The following LSM14A variants were observed in gnomAD, a reference collection of about 807,000 sequenced individuals.
LSM14A encodes LSM14A mRNA processing body assembly factor, also known as protein LSM14 homolog A.
In LSM14A, 14 loss-of-function variants were observed where a neutral mutation model predicts 52.4. The observed-to-expected ratio is 0.27, with a 90% CI of 0.18 to 0.42. The LOEUF (loss-of-function observed/expected upper bound fraction) is 0.42. Ranked by LOEUF, LSM14A falls within the 10% of genes least tolerant of loss-of-function variation. LSM14A has a pLI of 1.00. For synonymous variants in LSM14A, 185 were observed against 200.3 expected (o/e 0.92, Z 0.64); for missense variants, 417 against 581.8 (o/e 0.72, Z 2.91).
rs537453667 is a variant in LSM14A, at chr19:34,228,432, A to G, written c.*1044A>G. 13 of 152,580 alleles carry G rather than the reference A, an allele frequency of 8.5e-5. No homozygotes were observed. Among genetic ancestry groups the G allele is most frequent in the Non-Finnish European group, 1.6e-4 (11 of 68,024 alleles). The allele number at this position is 152,580 out of a possible 1,614,324, so 9.5% of individuals were successfully genotyped here. A position where few individuals can be genotyped will look rare whatever the true frequency, so the allele number is the denominator to read the frequency against. ...TTGTAGGACTTTAAAACTAGGCATC[A>G]ATGAACCTGTTTTTCCTATTATGCC... is the stretch of plus-strand genomic sequence containing the variant. On this transcript the variant is annotated 3_prime_UTR_variant, in exon 10 of 10. Transcript: ENST00000544216.
chr19:34,199,981 T>A (rs1174608930), intron 3 of LSM14A, among the ~76,000 whole-genome samples: 1 of 152,166 alleles, frequency 6.6e-6, no homozygotes, highest in Non-Finnish European at 1.5e-5. Flanking sequence ...AACACAGACA[T>A]CTGGTGGTTA....
chr19:34,201,553 G>A (rs2071290833), intron 3 of LSM14A, among the ~76,000 whole-genome samples: 1 of 152,156 alleles, frequency 6.6e-6, no homozygotes, highest in South Asian at 2.1e-4. Context: ...ATGTTGGTCA[G>A]GCTGGTCTCA....
chr19:34,194,362 T>C (rs1183689785), intron 1 of LSM14A, 116 bp from the exon 2 acceptor site: 1 of 987,868 alleles, frequency 1.0e-6, no homozygotes, highest in Non-Finnish European at 1.5e-6. Context: ...TAATGAATAC[T>C]TTCTCAGACA....
chr19:34,180,351 A>G (rs994864137), intron 1 of LSM14A, among the ~76,000 whole-genome samples: 1 of 152,200 alleles, frequency 6.6e-6, no homozygotes, highest in African/African-American at 2.4e-5. Flanking sequence ...CCAAAATGCC[A>G]GTTGGAATAC....
At chr19:34,209,909 C>T (rs1332087345) in intron 4 of LSM14A, among the ~76,000 whole-genome samples, 1 of 150,768 alleles carries the variant, frequency 6.6e-6, no homozygotes, top group East Asian at 2.0e-4. Flanking sequence ...TGGCTATTTA[C>T]AGATGTGATC....
intron 1 of LSM14A, among the ~76,000 whole-genome samples, chr19:34,180,727 C>T (rs2145505775): frequency 6.6e-6 from 1 of 152,286 alleles, no homozygotes; most frequent in East Asian, 1.9e-4. Context: ...ACAGTCAGTA[C>T]ACATTCCCTC....
At position 34,227,430 on chromosome 19, in the gene LSM14A, TCATGGTC is replaced by T. The variant is rs1485982474; in HGVS notation, c.*44_*50del. On this transcript the variant is annotated 3_prime_UTR_variant, in exon 10 of 10. Coordinates refer to ENST00000544216, the MANE Select transcript of LSM14A (RefSeq NM_015578.4). ...TGAAAATAGGTGAATTTCTAGCTCT[TCATGGTC>T]CTGAACATTGATTTCAGTCTTTGCA... 6.7e-7 allele frequency: 1 copy of T among 1,488,740 alleles called. No individual in the cohort carries two copies. The highest frequency in any genetic ancestry group is 9.2e-7 in the Non-Finnish European group (1 of 1,085,504). The allele number at this position is 1,488,740 out of a possible 1,614,324, so 92.2% of individuals were successfully genotyped here.
At chr19:34,190,932 A>G (rs1373227422) in intron 1 of LSM14A, among the ~76,000 whole-genome samples, 4 of 151,906 alleles carry the variant, frequency 2.6e-5, no homozygotes, top group African/African-American at 4.8e-5. Flanking sequence ...TTTTGATGAA[A>G]TTTAGGCCTT....
intron 4 of LSM14A, 125 bp from the exon 5 acceptor site, chr19:34,214,999 A>T: frequency 1.6e-6 from 1 of 619,198 alleles, no homozygotes; most frequent in Non-Finnish European, 2.7e-6. Context: ...TGATAAGTGG[A>T]TTAATTCAAA....
chr19:34,198,186 T>A (rs2071012357), intron 3 of LSM14A, among the ~76,000 whole-genome samples: 1 of 152,218 alleles, frequency 6.6e-6, no homozygotes, highest in African/African-American at 2.4e-5. Context: ...ATCTTGAAAC[T>A]CATTGATATG....
intron 1 of LSM14A, among the ~76,000 whole-genome samples, chr19:34,189,862 G>T (rs1464358328): frequency 6.6e-6 from 1 of 152,126 alleles, no homozygotes; most frequent in Non-Finnish European, 1.5e-5. Context: ...AAATAATTTG[G>T]TAAATTTAGA....
intron 6 of LSM14A, among the ~76,000 whole-genome samples, chr19:34,216,202 A>T (rs994286670): frequency 4.6e-5 from 7 of 152,116 alleles, no homozygotes; most frequent in African/African-American, 1.7e-4. Context: ...TCACGAGGTC[A>T]GGAGCTCGAG....
chr19:34,227,197 T>A lies in LSM14A; in HGVS notation c.1369-168T>A, dbSNP rs143370812. ...GTCAACAATGAGGTACTACTGAGTA[T>A]GGAAGTTATAGAAGGAGTTTCGTGG... On this transcript the variant is annotated intron_variant, in intron 9 of 9. Coordinates refer to ENST00000544216, the MANE Select transcript of LSM14A (RefSeq NM_015578.4). 2.6e-5 allele frequency among the ~76,000 whole-genome samples: 4 copies of A among 152,306 alleles called. 1 individual carries two copies. The highest frequency in any genetic ancestry group is 9.6e-5 in the African/African-American group (4 of 41,562).
Position 34,193,252 on chromosome 19 carries a change from A to G in LSM14A, c.122-1226A>G, listed in dbSNP as rs532772615. ...AGTACAGCCTCAATCTCCCAGGCTC[A>G]AGCGATCCTCATACCTCAGCCTCCT... On this transcript the variant is annotated intron_variant, in intron 1 of 9. Coordinates refer to ENST00000544216, the MANE Select transcript of LSM14A (RefSeq NM_015578.4). Among the ~76,000 whole-genome samples, 7 of 152,344 alleles carry G rather than the reference A, an allele frequency of 4.6e-5. No individual in the cohort carries two copies. The South Asian group carries it at 1.5e-3, about 32-fold the overall frequency.
intron 1 of LSM14A, among the ~76,000 whole-genome samples, chr19:34,177,475 A>G (rs2069163484): frequency 6.6e-6 from 1 of 152,342 alleles, no homozygotes; most frequent in East Asian, 1.9e-4. Flanking sequence ...CTGGAACTAT[A>G]AACTACTCTT....
chr19:34,191,252 A>G (rs903145895), intron 1 of LSM14A, among the ~76,000 whole-genome samples: 10 of 152,026 alleles, frequency 6.6e-5, no homozygotes, highest in African/African-American at 2.2e-4. Context: ...ATAAAAGTCT[A>G]TGCTATCTGT....
At chr19:34,223,817 T>C (rs1239401763) in intron 9 of LSM14A, among the ~76,000 whole-genome samples, 1 of 152,238 alleles carries the variant, frequency 6.6e-6, no homozygotes, top group African/African-American at 2.4e-5. Context: ...TAGTTACTAG[T>C]ATGACCTTTC....
chr19:34,205,135 T>C (rs538858004), intron 3 of LSM14A, among the ~76,000 whole-genome samples: 1 of 151,020 alleles, frequency 6.6e-6, no homozygotes, highest in South Asian at 2.1e-4. Flanking sequence ...TTGTCTCAAA[T>C]AAAAAGGAAA....
chr19:34,189,708 C>G (rs1010898721), intron 1 of LSM14A, among the ~76,000 whole-genome samples: 6 of 152,154 alleles, frequency 3.9e-5, no homozygotes, highest in African/African-American at 1.4e-4. Context: ...GTATGCCTTC[C>G]TGCACTAAGA....
Sources: allele counts gnomAD v4.1 joint callset (sites outside exome capture counted in the v4.1 genomes callset), GRCh38; gene constraint gnomAD v4.1.1; transcripts MANE v1.5; gene names NCBI Gene and HGNC (gene_info 2026-07-23, HGNC 2026-07-21).